ITGA1: variants seen among roughly 807,000 people sequenced by gnomAD.
ITGA1 encodes integrin alpha-1.
A neutral mutation model predicts 145.9 loss-of-function variants in ITGA1; 85 were observed. That is an observed-to-expected ratio of 0.58 (90% confidence interval 0.49 to 0.70). ITGA1 has a LOEUF of 0.70. Among genes scored for constraint, ITGA1 ranks in the 30% least tolerant of loss-of-function variants. ITGA1 has a pLI of 0.00. For missense variants in ITGA1, 1,351 were observed against 1,418.7 expected (o/e 0.95, Z 0.77); for synonymous variants, 520 against 495.3 (o/e 1.05, Z -0.66).
At chr5:52,893,018 C>A (rs893337013) in intron 8 of ITGA1, among the ~76,000 whole-genome samples, 1 of 151,666 alleles carries the variant, frequency 6.6e-6, no homozygotes, top group Non-Finnish European at 1.5e-5. Context: ...TAAAAAAAAA[C>A]TAAATGTTTG....
chr5:52,881,769 A>G, intron 6 of ITGA1, 104 bp from the exon 7 acceptor site: 1 of 1,051,526 alleles, frequency 9.5e-7, no homozygotes, highest in South Asian at 2.1e-5. Context: ...ATAGGTTTGC[A>G]AACTCATCTG....
intron 28 of ITGA1, among the ~76,000 whole-genome samples, chr5:52,951,929 C>T (rs898454387): frequency 1.3e-5 from 2 of 152,134 alleles, no homozygotes; most frequent in African/African-American, 2.4e-5. Context: ...CGATGGCTCA[C>T]GCCTGTAATC....
At chr5:52,930,473 A>T (rs756813963) in intron 21 of ITGA1, among the ~76,000 whole-genome samples, 1 of 152,198 alleles carries the variant, frequency 6.6e-6, no homozygotes, top group African/African-American at 2.4e-5. Context: ...GAAACTCCTC[A>T]TAGGGTAAGT....
At chr5:52,887,064 G>A (rs1005561770) in intron 7 of ITGA1, among the ~76,000 whole-genome samples, 3 of 152,016 alleles carry the variant, frequency 2.0e-5, no homozygotes, top group African/African-American at 4.8e-5. Flanking sequence ...TTGCAGTTAG[G>A]TTATAGCATT....
At chr5:52,802,957 C>T (rs1259134593) in intron 1 of ITGA1, 1 of 152,178 alleles carries the variant, frequency 6.6e-6, no homozygotes, top group African/African-American at 2.4e-5. Context: ...TTTTGGTGCA[C>T]ATTCCTAAAA....
chr5:52,915,413 G>T (rs771309962), intron 14 of ITGA1, 51 bp from the exon 15 acceptor site: 2 of 1,570,382 alleles, frequency 1.3e-6, no homozygotes, highest in Admixed American at 1.8e-5. Flanking sequence ...ATTTGAAACT[G>T]TTTTGAACAG....
chr5:52,868,227 C>T (rs570235683), intron 6 of ITGA1, among the ~76,000 whole-genome samples: 1 of 152,166 alleles, frequency 6.6e-6, no homozygotes, highest in Admixed American at 6.5e-5. Context: ...TTTAAATTCA[C>T]TTATGTATAT....
intron 18 of ITGA1, 110 bp downstream of exon 18, chr5:52,922,997 A>C: frequency 1.6e-6 from 1 of 627,006 alleles, no homozygotes; most frequent in Non-Finnish European, 2.8e-6. Flanking sequence ...ACGAACAACT[A>C]ACTGGAAGAA....
At position 52,909,025 on chromosome 5, in the gene ITGA1, T is replaced by C. The variant is rs765709503; in HGVS notation, c.1583T>C (p.Val528Ala). 1 of 1,613,776 alleles carries C rather than the reference T, an allele frequency of 6.2e-7. No homozygotes were observed. The highest frequency in any genetic ancestry group is 1.1e-5 in the South Asian group (1 of 91,038). The change falls in exon 13 of 29, where the codon GTG becomes GCG. Residue 528 changes from valine (V) to alanine (A), a missense_variant. By Grantham distance (64) the Val-to-Ala change is moderately conservative (BLOSUM62 0). Coordinates refer to ENST00000282588, the MANE Select transcript of ITGA1 (RefSeq NM_181501.2). ...AAGGAGGAGCAAGGAAAAGTGTATG[T>C]GTATGCTCTCAATCAGGTAATGGTG... ...TEKEEQGKVY[V>A]YALNQTRFEY...
intron 1 of ITGA1, among the ~76,000 whole-genome samples, chr5:52,789,282 T>A (rs1748193211): frequency 6.6e-6 from 1 of 152,248 alleles, no homozygotes; most frequent in Middle Eastern, 3.4e-3. Context: ...ATCGATAGAA[T>A]CTCTGTGTGA....
rs558441880 is a variant in ITGA1, at chr5:52,859,020, T to C, written c.183-2427T>C. On this transcript the variant is annotated intron_variant, in intron 2 of 28. Transcript: ENST00000282588. ...TCATATAGGCTGGCACCAAAGTTCATGCTATATTTCATGGAGAAGATTAAA... is the reference window on the plus strand; with the variant it reads ...TCATATAGGCTGGCACCAAAGTTCACGCTATATTTCATGGAGAAGATTAAA... Among the ~76,000 whole-genome samples the C allele has an allele frequency of 9.7e-4, 147 of 152,250 alleles. 1 individual carries two copies. The highest frequency in any genetic ancestry group is 3.4e-3 in the African/African-American group (141 of 41,556).
At chr5:52,908,019 T>C (rs555128834) in intron 12 of ITGA1, among the ~76,000 whole-genome samples, 28 of 152,254 alleles carry the variant, frequency 1.8e-4, no homozygotes, top group African/African-American at 6.0e-4. Context: ...ATTGCCTTAG[T>C]AGAAATTTTT....
chr5:52,922,792 C>A lies in ITGA1; in HGVS notation c.2308C>A (p.Gln770Lys). 1 of 1,610,850 alleles carries A rather than the reference C, an allele frequency of 6.2e-7. No homozygotes were observed. The highest frequency in any genetic ancestry group is 8.5e-7 in the Non-Finnish European group (1 of 1,177,186). ...SFYMLDKHDF[Q>K]DSVRITLDFN... ...CACCCTCTAGGACAAGCATGACTTT[C>A]AGGACTCTGTGAGAATAACGTTGGA... Residue 770 changes from glutamine to lysine, a missense_variant, in exon 18 of 29, where the codon CAG (glutamine) becomes AAG (lysine). Coordinates refer to ENST00000282588, the MANE Select transcript of ITGA1 (RefSeq NM_181501.2).
chr5:52,948,216 G>C (rs2111911889), intron 28 of ITGA1, among the ~76,000 whole-genome samples: 1 of 152,276 alleles, frequency 6.6e-6, no homozygotes, highest in South Asian at 2.1e-4. Flanking sequence ...AAGTTGAATA[G>C]AGAATAACAT....
intron 1 of ITGA1, among the ~76,000 whole-genome samples, chr5:52,828,374 A>G (rs1749003026): frequency 6.6e-6 from 1 of 151,942 alleles, no homozygotes; most frequent in Non-Finnish European, 1.5e-5. Flanking sequence ...GTGATATCCC[A>G]TTGGGGTTTT....
chr5:52,865,126 G>A (rs1458338618), intron 5 of ITGA1, 44 bp downstream of exon 5: 6 of 1,377,140 alleles, frequency 4.4e-6, no homozygotes, highest in Non-Finnish European at 6.2e-6. Context: ...AAAAGCCTAT[G>A]CAATGAATGA....
chr5:52,817,014 T>G (rs956459618), intron 1 of ITGA1, among the ~76,000 whole-genome samples: 1 of 152,224 alleles, frequency 6.6e-6, no homozygotes, highest in Non-Finnish European at 1.5e-5. Context: ...AGTGATAAAC[T>G]TTGTCAGTTT....
Position 52,957,938 on chromosome 5 carries a change from A to G in ITGA1, c.*5487A>G, listed in dbSNP as rs973285875. 6.6e-6 allele frequency: 1 copy of G among 152,196 alleles called. No homozygotes were observed. Among genetic ancestry groups the G allele is most frequent in the Non-Finnish European group, 1.5e-5 (1 of 68,016 alleles). 9.4% of individuals were successfully genotyped at this position (152,196 alleles called of 1,614,324 possible). A position where few individuals can be genotyped will look rare whatever the true frequency, so the allele number is the denominator to read the frequency against. Reference sequence around the variant, plus strand: ...TGAGATCCAATGTTTAAATCTTTTTATTTCAGTTTGATCTGTGCCTTTAGA... The same window carrying G: ...TGAGATCCAATGTTTAAATCTTTTTGTTTCAGTTTGATCTGTGCCTTTAGA... On this transcript the variant is annotated 3_prime_UTR_variant, in exon 29 of 29. Coordinates refer to ENST00000282588, the MANE Select transcript of ITGA1 (RefSeq NM_181501.2).
At chr5:52,809,765 C>A (rs1486734397) in intron 1 of ITGA1, among the ~76,000 whole-genome samples, 1 of 152,064 alleles carries the variant, frequency 6.6e-6, no homozygotes, top group African/African-American at 2.4e-5. Flanking sequence ...CTTGTCCTCC[C>A]CAAGTGGGAT....
Sources: gnomAD v4.1 joint callset for allele counts (sites outside exome capture counted in the v4.1 genomes callset) on GRCh38, gnomAD v4.1.1 for gene constraint, MANE v1.5 for transcripts, NCBI Gene and HGNC (gene_info 2026-07-23, HGNC 2026-07-21) for gene names.